The following CACNB2 variants were observed in gnomAD, a reference collection of about 807,000 sequenced individuals.
CACNB2 encodes the protein calcium voltage-gated channel auxiliary subunit beta 2.
Under a neutral mutation model 73.3 loss-of-function variants are expected in CACNB2, and 42 were observed. The ratio of observed to expected loss-of-function variants is 0.57; its 90% CI spans 0.45 to 0.74. The LOEUF is 0.74. Among genes scored for constraint, CACNB2 ranks in the 30% least tolerant of loss-of-function variants. CACNB2 has a pLI of 0.00. For missense variants in CACNB2, 940 were observed against 853.0 expected, an observed-to-expected ratio of 1.10 and a Z score of -1.27; for synonymous variants, 348 against 310.3, an observed-to-expected ratio of 1.12 and a Z score of -1.28.
chr10:18,288,084 ACACCAGT>A (rs2038882172), intron 2 of CACNB2, among the ~76,000 whole-genome samples: 1 of 152,064 alleles, frequency 6.6e-6, no homozygotes, highest in Non-Finnish European at 1.5e-5. Context: ...TTTTATAAGG[ACACCAGT>A]CATATTGGAT....
At chr10:18,469,079 C>T (rs778067588) in intron 3 of CACNB2, among the ~76,000 whole-genome samples, 3 of 152,168 alleles carry the variant, frequency 2.0e-5, no homozygotes, top group African/African-American at 7.2e-5. Flanking sequence ...GAGACCCTGT[C>T]TCTACAAAAA....
At chr10:18,467,702 C>G (rs988259775) in intron 3 of CACNB2, among the ~76,000 whole-genome samples, 3 of 152,202 alleles carry the variant, frequency 2.0e-5, no homozygotes, top group African/African-American at 7.2e-5. Flanking sequence ...TTTGTCCCCT[C>G]AACCCAACTC....
At chr10:18,419,007 ACATT>A (rs1171326528) in intron 3 of CACNB2, among the ~76,000 whole-genome samples, 6 of 152,202 alleles carry the variant, frequency 3.9e-5, no homozygotes, top group African/African-American at 1.2e-4. Flanking sequence ...GAGTCAACCT[ACATT>A]CCTTACAGTT....
intron 2 of CACNB2, among the ~76,000 whole-genome samples, chr10:18,158,149 T>G (rs999858531): frequency 6.6e-6 from 1 of 152,126 alleles, no homozygotes; most frequent in Non-Finnish European, 1.5e-5. Context: ...TGAAATCAAG[T>G]ATGAATCACC....
intron 3 of CACNB2, among the ~76,000 whole-genome samples, chr10:18,430,443 A>G (rs920973454): frequency 4.6e-5 from 7 of 152,070 alleles, no homozygotes; most frequent in African/African-American, 1.7e-4. Flanking sequence ...TGCACTACAT[A>G]GGGAGACCCT....
chr10:18,175,941 G>T (rs1452713896), intron 2 of CACNB2, among the ~76,000 whole-genome samples: 1 of 152,132 alleles, frequency 6.6e-6, no homozygotes, highest in Non-Finnish European at 1.5e-5. Context: ...GAATTACTGT[G>T]GTGGTCAATA....
At chr10:18,191,181 A>G (rs1022658014) in intron 2 of CACNB2, among the ~76,000 whole-genome samples, 3 of 152,234 alleles carry the variant, frequency 2.0e-5, no homozygotes, top group African/African-American at 7.2e-5. Flanking sequence ...AAGTGCTTTT[A>G]TGTTTCTTTT....
intron 2 of CACNB2, among the ~76,000 whole-genome samples, chr10:18,236,131 G>A (rs2036433926): frequency 2.0e-5 from 3 of 152,086 alleles, no homozygotes; most frequent in Non-Finnish European, 2.9e-5. Flanking sequence ...CCAGTCTCAG[G>A]TATTTCTTTC....
chr10:18,340,595 G>T (rs1303112215), intron 2 of CACNB2: 1 of 929,834 alleles, frequency 1.1e-6, no homozygotes, highest in Non-Finnish European at 1.4e-6. Flanking sequence ...AAGTGTTACT[G>T]TACTTTGACA....
At chr10:18,504,931 C>A (rs1209320995) in intron 5 of CACNB2, among the ~76,000 whole-genome samples, 1 of 152,308 alleles carries the variant, frequency 6.6e-6, no homozygotes, top group Non-Finnish European at 1.5e-5. Flanking sequence ...AGGCGTGAGC[C>A]ACCGTGCCCG....
chr10:18,514,999 A>G, intron 7 of CACNB2: 1 of 1,613,852 alleles, frequency 6.2e-7, no homozygotes, highest in East Asian at 2.2e-5. Context: ...CTGCAGATGA[A>G]CAAGACCAGT....
chr10:18,536,072 C>T, intron 11 of CACNB2, 29 bp from the exon 12 acceptor site: 4 of 1,335,770 alleles, frequency 3.0e-6, no homozygotes, highest in East Asian at 2.3e-5. Flanking sequence ...GTAGTTATTA[C>T]TCTGTTAAAA....
At chr10:18,351,621 G>T (rs1022191057) in intron 2 of CACNB2, among the ~76,000 whole-genome samples, 1 of 152,146 alleles carries the variant, frequency 6.6e-6, no homozygotes, top group Admixed American at 6.5e-5. Context: ...TGTACAAGCC[G>T]AGAGAAATAA....
intron 1 of CACNB2, among the ~76,000 whole-genome samples, chr10:18,146,476 A>AT (rs59522345): frequency 7.2e-4 from 105 of 146,246 alleles, no homozygotes; most frequent in Admixed American, 1.1e-3. Flanking sequence ...CGGCCAGCTA[A>AT]TTTTTTTTTT....
At chr10:18,334,960 G>C (rs2040943666) in intron 2 of CACNB2, among the ~76,000 whole-genome samples, 1 of 151,872 alleles carries the variant, frequency 6.6e-6, no homozygotes, top group South Asian at 2.1e-4. Flanking sequence ...CTGATTTTCT[G>C]GTACTCAACA....
At chr10:18,429,407 C>A (rs1431690421) in intron 3 of CACNB2, among the ~76,000 whole-genome samples, 1 of 152,114 alleles carries the variant, frequency 6.6e-6, no homozygotes, top group East Asian at 1.9e-4. Flanking sequence ...CATTGTGCCT[C>A]CTGAATATGA....
intron 2 of CACNB2, among the ~76,000 whole-genome samples, chr10:18,319,601 G>C (rs1382481021): frequency 6.6e-6 from 1 of 151,888 alleles, no homozygotes; most frequent in Non-Finnish European, 1.5e-5. Flanking sequence ...GTATCCTGGA[G>C]CTTAATATTT....
intron 2 of CACNB2, among the ~76,000 whole-genome samples, chr10:18,297,924 G>A (rs1394391822): frequency 6.6e-6 from 1 of 152,184 alleles, no homozygotes. Context: ...CGATCATGGA[G>A]TGAAGGCCGA....
In CACNB2 at chr10:18,325,036, T is replaced by C. The variant is rs1264678205; in HGVS notation, c.214-76888T>C. ...ACTTGGATTACTGCTCTGCTATTAT[T>C]CTGCTGTGATCCTTCATAATTTGGA... On this transcript the variant is annotated intron_variant, in intron 2 of 13. Coordinates refer to ENST00000324631, the MANE Select transcript of CACNB2 (RefSeq NM_201596.3). 5.2e-5 allele frequency among the ~76,000 whole-genome samples: 8 copies of C among 152,382 alleles called. No individual in the cohort carries two copies. In the East Asian group the frequency reaches 1.5e-3, roughly 29 times the overall value.
Sources: allele counts gnomAD v4.1 joint callset (sites outside exome capture counted in the v4.1 genomes callset), GRCh38; gene constraint gnomAD v4.1.1; transcripts MANE v1.5; gene names NCBI Gene and HGNC (gene_info 2026-07-23, HGNC 2026-07-21).